E2F3: variants seen among roughly 807,000 people sequenced by gnomAD.
E2F3 encodes the protein E2F transcription factor 3.
Under a neutral mutation model 44.4 loss-of-function variants are expected in E2F3, and 11 were observed. That is an observed-to-expected ratio of 0.25 (90% confidence interval 0.16 to 0.41). E2F3 has a LOEUF of 0.41. Among genes scored for constraint, E2F3 ranks in the 10% least tolerant of loss-of-function variants. The pLI is 1.00. For missense variants in E2F3, 487 were observed against 583.6 expected (o/e 0.83, Z 1.70); for synonymous variants, 249 against 253.0 (o/e 0.98, Z 0.15).
intron 1 of E2F3, chr6:20,445,243 CT>C: frequency 2.6e-6 from 2 of 766,602 alleles, no homozygotes; most frequent in African/African-American, 4.0e-5. Context: ...TGTATATTTT[CT>C]CCCTTTTTTT....
intron 1 of E2F3, among the ~76,000 whole-genome samples, chr6:20,438,929 AATTGAGC>A (rs1317177953): frequency 6.6e-6 from 1 of 152,140 alleles, no homozygotes; most frequent in Non-Finnish European, 1.5e-5. Flanking sequence ...ATGGTATTTT[AATTGAGC>A]TATTTTTGTT....
At chr6:20,430,580 A>G (rs1020739344) in intron 1 of E2F3, among the ~76,000 whole-genome samples, 2 of 152,218 alleles carry the variant, frequency 1.3e-5, no homozygotes, top group African/African-American at 4.8e-5. Flanking sequence ...CAGAAGTACC[A>G]TATTTGACAT....
intron 1 of E2F3, among the ~76,000 whole-genome samples, chr6:20,415,865 G>A (rs894039356): frequency 1.3e-5 from 2 of 152,150 alleles, no homozygotes; most frequent in Admixed American, 1.3e-4. Context: ...CAGAAGAAAG[G>A]ATCAAAGTCT....
At chr6:20,471,113 T>C (rs1761874723) in intron 1 of E2F3, among the ~76,000 whole-genome samples, 1 of 152,278 alleles carries the variant, frequency 6.6e-6, no homozygotes, top group Non-Finnish European at 1.5e-5. Flanking sequence ...GTGTGGTATG[T>C]ATCCTTAGAT....
At chr6:20,441,099 C>T (rs1440811722) in intron 1 of E2F3, among the ~76,000 whole-genome samples, 1 of 152,188 alleles carries the variant, frequency 6.6e-6, no homozygotes, top group African/African-American at 2.4e-5. Flanking sequence ...ATGCAAGCAT[C>T]ATCCATGTCC....
intron 6 of E2F3, among the ~76,000 whole-genome samples, chr6:20,488,617 T>G (rs1158240748): frequency 6.6e-6 from 1 of 152,170 alleles, no homozygotes; most frequent in East Asian, 1.9e-4. Context: ...GAAAAAGGTT[T>G]GAGGAGAAAA....
Position 20,457,224 on chromosome 6 carries a change from G to A in E2F3, c.394-22622G>A, listed in dbSNP as rs1291706957. On this transcript the variant is annotated intron_variant, in intron 1 of 6. Transcript: ENST00000346618. Reference sequence around the variant, plus strand: ...AAGTCTTACTCTGTTGCCCAGGCTGGAGTACAGTGGTCCCATCTTGGCTCA... The same window carrying A: ...AAGTCTTACTCTGTTGCCCAGGCTGAAGTACAGTGGTCCCATCTTGGCTCA... Among the ~76,000 whole-genome samples, 7 of 151,792 alleles carry A rather than the reference G, an allele frequency of 4.6e-5. No individual in the cohort carries two copies. In the East Asian group the frequency reaches 9.7e-4, roughly 21 times the overall value.
At chr6:20,463,918 G>A (rs560407070) in intron 1 of E2F3, among the ~76,000 whole-genome samples, 1 of 152,244 alleles carries the variant, frequency 6.6e-6, no homozygotes, top group South Asian at 2.1e-4. Context: ...CTATAAATTG[G>A]GGTTCCCACA....
chr6:20,434,359 G>A (rs1277540743), intron 1 of E2F3, among the ~76,000 whole-genome samples: 1 of 152,180 alleles, frequency 6.6e-6, no homozygotes, highest in African/African-American at 2.4e-5. Context: ...TTAACAGTTT[G>A]CTATCTGTAT....
At chr6:20,481,155 C>G (rs747753211) in intron 2 of E2F3, 51 bp from the exon 3 acceptor site, 19 of 1,561,618 alleles carry the variant, frequency 1.2e-5, no homozygotes, top group Non-Finnish European at 1.7e-5. Context: ...CCCTTCATTT[C>G]TTTACCTTTC....
At chr6:20,403,027 G>A (rs1759361945) in intron 1 of E2F3, among the ~76,000 whole-genome samples, 1 of 151,940 alleles carries the variant, frequency 6.6e-6, no homozygotes, top group African/African-American at 2.4e-5. Context: ...GTGAACTGGG[G>A]TGTGGGGGGC....
At chr6:20,474,163 C>G (rs533097012) in intron 1 of E2F3, among the ~76,000 whole-genome samples, 1 of 152,164 alleles carries the variant, frequency 6.6e-6, no homozygotes, top group East Asian at 1.9e-4. Context: ...TCTCAAACTC[C>G]TGGGCCCAAG....
chr6:20,477,151 T>A (rs1015519000), intron 1 of E2F3, among the ~76,000 whole-genome samples: 5 of 152,098 alleles, frequency 3.3e-5, no homozygotes, highest in African/African-American at 1.2e-4. Context: ...TTCATTATTA[T>A]TTTAGTGATG....
At chr6:20,427,738 C>A (rs938933576) in intron 1 of E2F3, among the ~76,000 whole-genome samples, 1 of 152,200 alleles carries the variant, frequency 6.6e-6, no homozygotes, top group Non-Finnish European at 1.5e-5. Flanking sequence ...TTCCTGACAC[C>A]TGCCACACAC....
At chr6:20,446,528 G>A (rs1015422721) in intron 1 of E2F3, among the ~76,000 whole-genome samples, 1 of 152,180 alleles carries the variant, frequency 6.6e-6, no homozygotes, top group African/African-American at 2.4e-5. Context: ...TTCTGGACCA[G>A]AAAATGGAAA....
intron 1 of E2F3, among the ~76,000 whole-genome samples, chr6:20,421,038 C>T (rs932599617): frequency 7.2e-5 from 11 of 152,180 alleles, no homozygotes; most frequent in African/African-American, 1.9e-4. Context: ...CTCAAGAAAT[C>T]GCTTTATTTG....
chr6:20,455,819 A>G (rs570446837), intron 1 of E2F3, among the ~76,000 whole-genome samples: 29 of 152,172 alleles, frequency 1.9e-4, no homozygotes, highest in African/African-American at 6.7e-4. Context: ...CCCTTTTACA[A>G]CTCCAGGCAA....
chr6:20,424,210 GGTGTGTGTGTGTGTGTGTGTGTGTGTGT>G (rs57286350), intron 1 of E2F3, among the ~76,000 whole-genome samples: 1 of 136,920 alleles, frequency 7.3e-6, no homozygotes, highest in East Asian at 2.2e-4. Flanking sequence ...TCAGTGGAAG[GGTGTGTGTGTGTGTGTGTGTGTGTGTGT>G]GTGTGTGTGT....
chr6:20,421,935 G>A (rs1174469422), intron 1 of E2F3: 1 of 152,200 alleles, frequency 6.6e-6, no homozygotes, highest in Non-Finnish European at 1.5e-5. Context: ...AATGGTAAAC[G>A]ATCATTGGCT....
Sources: gnomAD v4.1 joint callset for allele counts (sites outside exome capture counted in the v4.1 genomes callset) on GRCh38, gnomAD v4.1.1 for gene constraint, MANE v1.5 for transcripts, NCBI Gene and HGNC (gene_info 2026-07-23, HGNC 2026-07-21) for gene names.